CACNG2: variants seen among roughly 807,000 people sequenced by gnomAD.
CACNG2 encodes calcium voltage-gated channel auxiliary subunit gamma 2.
CACNG2 carries 3 observed loss-of-function variants against 25.9 expected under a neutral mutation model. That is an observed-to-expected ratio of 0.12 (90% CI 0.05 to 0.30). The LOEUF is 0.30. Ranked by LOEUF, CACNG2 falls within the 10% of genes least tolerant of loss-of-function variation. The pLI, the probability that CACNG2 is intolerant of heterozygous loss-of-function variation, is 1.00. For missense variants in CACNG2, 341 were observed against 432.5 expected, an observed-to-expected ratio of 0.79 and a Z score of 1.88; for synonymous variants, 167 against 173.3, an observed-to-expected ratio of 0.96 and a Z score of 0.29.
intron 1 of CACNG2, among the ~76,000 whole-genome samples, chr22:36,615,621 C>A (rs1328767423): frequency 6.6e-6 from 1 of 152,212 alleles, no homozygotes; most frequent in Non-Finnish European, 1.5e-5. Context: ...TTCATCTTAC[C>A]ACTATCACAT....
At chr22:36,668,354 G>A (rs1020998926) in intron 1 of CACNG2, among the ~76,000 whole-genome samples, 4 of 152,200 alleles carry the variant, frequency 2.6e-5, no homozygotes, top group African/African-American at 7.2e-5. Context: ...AGATATAAGC[G>A]GAGACTTATT....
intron 1 of CACNG2, among the ~76,000 whole-genome samples, chr22:36,666,789 G>A (rs989105772): frequency 6.6e-6 from 1 of 151,868 alleles, no homozygotes; most frequent in East Asian, 1.9e-4. Context: ...TAACTTCCTA[G>A]CCTGGCATTC....
At position 36,699,742 on chromosome 22, in the gene CACNG2, T is replaced by C. The variant is rs151267468; in HGVS notation, c.211+2624A>G. ...TCAAGCACTGACAACTTGATCTCCA[T>C]AGAGAGCGACCCCATTCTGAGTGCT... On this transcript the variant is annotated intron_variant, in intron 1 of 3. Transcript: ENST00000300105. 2.2e-3 allele frequency among the ~76,000 whole-genome samples: 338 copies of C among 152,188 alleles called. 1 individual carries two copies. Among genetic ancestry groups the C allele is most frequent in the African/African-American group, 7.7e-3 (318 of 41,522 alleles).
intron 1 of CACNG2, among the ~76,000 whole-genome samples, chr22:36,593,340 G>A (rs1935625486): frequency 6.6e-6 from 1 of 152,228 alleles, no homozygotes; most frequent in South Asian, 2.1e-4. Flanking sequence ...AAGGCAGTGA[G>A]CCAGCGCTCA....
rs1424325496 is a variant in CACNG2 at position 36,573,362 on chromosome 22, G to T, written c.296-6869C>A. ...TATTATTTTTTTGAGACAGAGTCTT[G>T]CTCTGTCACCCAGGCTGGAGAGCAG... On this transcript the variant is annotated intron_variant, in intron 2 of 3. Transcript: ENST00000300105. 2.0e-5 allele frequency among the ~76,000 whole-genome samples: 3 copies of T among 152,078 alleles called. No homozygotes were observed. In the East Asian group the frequency reaches 5.8e-4, roughly 29 times the overall value.
At chr22:36,669,237 C>T (rs767867747) in intron 1 of CACNG2, among the ~76,000 whole-genome samples, 1 of 152,030 alleles carries the variant, frequency 6.6e-6, no homozygotes, top group Non-Finnish European at 1.5e-5. Flanking sequence ...CGTGGTGGCT[C>T]ACTCCTGTAA....
chr22:36,589,059 C>T (rs893891039), intron 1 of CACNG2, among the ~76,000 whole-genome samples: 19 of 146,434 alleles, frequency 1.3e-4, no homozygotes, highest in Non-Finnish European at 2.4e-4. Context: ...GGTGTGATCT[C>T]GGCTCACGGC....
At chr22:36,622,156 G>A (rs1231730090) in intron 1 of CACNG2, among the ~76,000 whole-genome samples, 1 of 152,234 alleles carries the variant, frequency 6.6e-6, no homozygotes, top group African/African-American at 2.4e-5. Context: ...AGTCGGTGGA[G>A]GGGCAGGATT....
chr22:36,601,658 T>C (rs561903261), intron 1 of CACNG2, among the ~76,000 whole-genome samples: 15 of 152,266 alleles, frequency 9.9e-5, no homozygotes, highest in Non-Finnish European at 1.3e-4. Context: ...CTAATTTTTG[T>C]ATTTTTAGTA....
intron 1 of CACNG2, among the ~76,000 whole-genome samples, chr22:36,687,029 C>A (rs989152768): frequency 2.0e-5 from 3 of 152,216 alleles, no homozygotes; most frequent in Non-Finnish European, 4.4e-5. Flanking sequence ...TTCTAGGAAG[C>A]CTTCTCAGGA....
At chr22:36,576,243 G>A (rs1224627114) in intron 2 of CACNG2, among the ~76,000 whole-genome samples, 4 of 152,152 alleles carry the variant, frequency 2.6e-5, no homozygotes, top group East Asian at 3.8e-4. Flanking sequence ...GGGTGAGATC[G>A]GAGACTATTA....
Position 36,563,125 on chromosome 22 carries a change from T to TA in CACNG2, c.*1225dup, listed in dbSNP as rs991168213. 7.3e-5 allele frequency among the ~76,000 whole-genome samples: 11 copies of TA among 151,622 alleles called. No homozygotes were observed. In the South Asian group the frequency reaches 1.0e-3, roughly 14 times the overall value. On this transcript the variant is annotated 3_prime_UTR_variant, in exon 4 of 4. Transcript: ENST00000300105. ...TATTTATAGTCTGTGGTTTTTTTAT[T>TA]AAAAAAAAATCACCACTTGTTTTTC...
chr22:36,639,896 C>T (rs776789335), intron 1 of CACNG2, among the ~76,000 whole-genome samples: 3 of 152,158 alleles, frequency 2.0e-5, no homozygotes, highest in Non-Finnish European at 4.4e-5. Context: ...GCAGGAAGCC[C>T]CCATCAACAC....
chr22:36,659,266 G>A (rs367778951), intron 1 of CACNG2, among the ~76,000 whole-genome samples: 2 of 152,086 alleles, frequency 1.3e-5, no homozygotes, highest in South Asian at 2.1e-4. Flanking sequence ...CACAAGCTCC[G>A]ACCCTACCAA....
At chr22:36,597,623 G>A (rs78514439) in intron 1 of CACNG2, among the ~76,000 whole-genome samples, 4,103 of 152,206 alleles carry the variant, frequency 0.027, 92 homozygotes, top group African/African-American at 0.065. Flanking sequence ...CTTTCAAATG[G>A]CACCTCTTTC....
chr22:36,582,331 C>A (rs1935431101), intron 2 of CACNG2, among the ~76,000 whole-genome samples: 2 of 152,148 alleles, frequency 1.3e-5, no homozygotes, highest in African/African-American at 4.8e-5. Flanking sequence ...TCTCACGGGG[C>A]TCAGTCCTAT....
At chr22:36,642,330 G>A (rs1936452327) in intron 1 of CACNG2, among the ~76,000 whole-genome samples, 1 of 152,170 alleles carries the variant, frequency 6.6e-6, no homozygotes, top group Non-Finnish European at 1.5e-5. Flanking sequence ...GCTCTGGTTG[G>A]GGATTTGACC....
chr22:36,671,979 A>G (rs1207198109), intron 1 of CACNG2, among the ~76,000 whole-genome samples: 2 of 152,160 alleles, frequency 1.3e-5, no homozygotes, highest in Non-Finnish European at 2.9e-5. Flanking sequence ...AAGACGGGTA[A>G]CTTTCAGCAA....
chr22:36,684,077 C>T (rs1018178603), intron 1 of CACNG2, among the ~76,000 whole-genome samples: 1 of 152,270 alleles, frequency 6.6e-6, no homozygotes, highest in East Asian at 1.9e-4. Flanking sequence ...AAGAGCCACC[C>T]GTCTCTCCAT....
Sources: gnomAD v4.1 joint callset for allele counts (sites outside exome capture counted in the v4.1 genomes callset) on GRCh38, gnomAD v4.1.1 for gene constraint, MANE v1.5 for transcripts, NCBI Gene and HGNC (gene_info 2026-07-23, HGNC 2026-07-21) for gene names.